MAP3K15: variants seen among roughly 807,000 people sequenced by gnomAD.
The protein encoded by MAP3K15 is MAPK/ERK kinase kinase 15.
MAP3K15 carries 124 observed loss-of-function variants against 99.5 expected under a neutral mutation model. That is an observed-to-expected ratio of 1.25 (90% confidence interval 1.08 to 1.45). MAP3K15 has a LOEUF of 1.45. Ranked by LOEUF, MAP3K15 falls within the 40% of genes most tolerant of loss-of-function variation. MAP3K15 has a pLI of 0.00. For synonymous variants in MAP3K15, 494 were observed against 439.6 expected, an observed-to-expected ratio of 1.12 and a Z score of -1.55; for missense variants, 1,242 against 1,079.7, an observed-to-expected ratio of 1.15 and a Z score of -2.11.
chrX:19,453,585 G>A (rs993058366), intron 6 of MAP3K15, among the ~76,000 whole-genome samples: 2 of 110,235 alleles, frequency 1.8e-5, no homozygotes, highest in African/African-American at 3.3e-5. Flanking sequence ...TATTGACCAA[G>A]TGTTACATTT....
At chrX:19,495,660 G>C (rs2064396333) in intron 1 of MAP3K15, among the ~76,000 whole-genome samples, 1 of 111,464 alleles carries the variant, frequency 9.0e-6, no homozygotes, top group Non-Finnish European at 1.9e-5. Context: ...GAGGTGAATG[G>C]GCTCAATGGG....
At chrX:19,513,087 CA>C (rs1490053579) in intron 1 of MAP3K15, among the ~76,000 whole-genome samples, 1 of 111,696 alleles carries the variant, frequency 9.0e-6, no homozygotes, top group African/African-American at 3.3e-5. Flanking sequence ...AAGACCAGGA[CA>C]AGGTTAACCA....
intron 3 of MAP3K15, among the ~76,000 whole-genome samples, chrX:19,467,594 C>T (rs886135892): frequency 1.4e-4 from 15 of 109,532 alleles, no homozygotes; most frequent in African/African-American, 4.6e-4. Flanking sequence ...TGGTGAAACC[C>T]CCTCTCTACT....
At chrX:19,394,837 A>ATTTTTTTT (rs1481087841) in intron 16 of MAP3K15, among the ~76,000 whole-genome samples, 1 of 46,801 alleles carries the variant, frequency 2.1e-5, no homozygotes, top group African/African-American at 1.5e-4. Flanking sequence ...TTTTTTTTTA[A>ATTTTTTTT]AAAGAGTGAT....
chrX:19,434,224 G>GT (rs765400854), intron 6 of MAP3K15, among the ~76,000 whole-genome samples: 3 of 103,948 alleles, frequency 2.9e-5, no homozygotes, highest in East Asian at 2.9e-4. Context: ...TTGGTAATAG[G>GT]TTTTTTTTGT....
chrX:19,488,005 G>A (rs1366417760), intron 2 of MAP3K15, among the ~76,000 whole-genome samples: 1 of 110,920 alleles, frequency 9.0e-6, no homozygotes, highest in Non-Finnish European at 1.9e-5. Context: ...CTGGGGTGGG[G>A]CCTAGGCATG....
intron 23 of MAP3K15, 140 bp from the exon 24 acceptor site, chrX:19,371,204 C>T: frequency 1.1e-5 from 9 of 823,278 alleles, no homozygotes; most frequent in Non-Finnish European, 1.2e-5. Context: ...GATGCCATTT[C>T]CTGGACTTCA....
Position 19,373,683 on chromosome X carries a change from C to T in MAP3K15, c.2786G>A (p.Gly929Asp). 8.3e-7 allele frequency: 1 copy of T among 1,199,185 alleles called. No individual in the cohort carries two copies. Among genetic ancestry groups the T allele is most frequent in the Non-Finnish European group, 1.1e-6 (1 of 894,124 alleles). ...IAFKPSEGPR[G>D]VVLALPTQGE... is the part of the protein sequence containing the mutation. ...CTGTGTGGGCAGGGCCAGGACGACA[C>T]CGCGGGGACCTTCTGTAGGGGGACA... is the stretch of plus-strand genomic sequence containing the variant. Residue 929 changes from glycine to aspartate, a missense_variant, in exon 21 of 29, where the codon GGT becomes GAT. Physicochemically the swap from Gly to Asp is moderately conservative, Grantham distance 94 (BLOSUM62 -1). Transcript: ENST00000338883.
chrX:19,454,517 C>A (rs2064078209), intron 6 of MAP3K15, among the ~76,000 whole-genome samples: 1 of 111,651 alleles, frequency 9.0e-6, no homozygotes, highest in African/African-American at 3.3e-5. Flanking sequence ...TGGAAGGTAT[C>A]AGGGAAAGCT....
At chrX:19,414,066 C>A (rs1277077218) in intron 10 of MAP3K15, among the ~76,000 whole-genome samples, 2 of 104,841 alleles carry the variant, frequency 1.9e-5, no homozygotes, top group African/African-American at 3.5e-5. Flanking sequence ...GAGGCTGAGG[C>A]AGGAGAATCA....
At chrX:19,405,062 G>T (rs868727569) in intron 13 of MAP3K15, among the ~76,000 whole-genome samples, 1 of 103,947 alleles carries the variant, frequency 9.6e-6, no homozygotes, top group Non-Finnish European at 1.9e-5. Context: ...TGATACCATC[G>T]AGAGAGTGAA....
chrX:19,436,823 G>A (rs949742887), intron 6 of MAP3K15, among the ~76,000 whole-genome samples: 1 of 111,116 alleles, frequency 9.0e-6, no homozygotes, highest in Non-Finnish European at 1.9e-5. Context: ...GATTACAGGC[G>A]TGCACCACCA....
chrX:19,498,032 A>G (rs2064418217), intron 1 of MAP3K15, among the ~76,000 whole-genome samples: 1 of 112,101 alleles, frequency 8.9e-6, no homozygotes, highest in African/African-American at 3.2e-5. Context: ...GCTTTTAAAT[A>G]ATGTATAAAA....
chrX:19,409,572 A>G (rs866869674), intron 12 of MAP3K15, among the ~76,000 whole-genome samples: 1 of 111,798 alleles, frequency 8.9e-6, no homozygotes, highest in Non-Finnish European at 1.9e-5. Flanking sequence ...TGTTGCCACT[A>G]ATCATCTCCT....
At chrX:19,463,711 G>A (rs1161406572) in intron 4 of MAP3K15, among the ~76,000 whole-genome samples, 1 of 110,955 alleles carries the variant, frequency 9.0e-6, no homozygotes, top group Non-Finnish European at 1.9e-5. Flanking sequence ...TAAATCTAAA[G>A]AGAACACAGC....
rs150135927 is a variant in MAP3K15 at position 19,423,382 on chromosome X, T to G, written c.1439+2149A>C. ...CTAGTCAAACTCACTGTCTTTTATTTTTTGAAATATTAGAATCTGACTAGG... is the reference window on the plus strand; with the variant it reads ...CTAGTCAAACTCACTGTCTTTTATTGTTTGAAATATTAGAATCTGACTAGG... On this transcript the variant is annotated intron_variant, in intron 9 of 28. Coordinates refer to ENST00000338883, the MANE Select transcript of MAP3K15 (RefSeq NM_001001671.4). 9.9e-3 allele frequency among the ~76,000 whole-genome samples: 1,052 copies of G among 106,538 alleles called. 17 individuals carry two copies. Among genetic ancestry groups the G allele is most frequent in the African/African-American group, 0.035 (1,019 of 29,088 alleles). The allele number at this position is 106,538 out of a possible 115,157, so 92.5% of individuals were successfully genotyped here. A position where few individuals can be genotyped will look rare whatever the true frequency, so the allele number is the denominator to read the frequency against.
chrX:19,499,969 G>A (rs1209947996), intron 1 of MAP3K15, among the ~76,000 whole-genome samples: 2 of 112,683 alleles, frequency 1.8e-5, no homozygotes, highest in Admixed American at 9.4e-5. Context: ...ATAATTGGCC[G>A]GGTGCAGTGG....
At position 19,362,778 on chromosome X, in the gene MAP3K15, A is replaced by G; in HGVS notation, c.3639T>C (p.Thr1213=). ...NLLRQTLEQK[T]QELYHLQLKL... ...TTAACTGAAGGTGATACAATTCTTGAGTTTTCTGTTCTAGAGTTTGCCGCA... is the reference window on the plus strand; with the variant it reads ...TTAACTGAAGGTGATACAATTCTTGGGTTTTCTGTTCTAGAGTTTGCCGCA... The change falls in exon 26 of 29, where the codon ACT becomes ACC. Residue 1213 remains threonine (T), a synonymous_variant. Coordinates refer to ENST00000338883, the MANE Select transcript of MAP3K15 (RefSeq NM_001001671.4). The G allele has an allele frequency of 8.4e-7, 1 of 1,188,153 alleles. No homozygotes were observed. Among genetic ancestry groups the G allele is most frequent in the Non-Finnish European group, 1.1e-6 (1 of 879,567 alleles).
In MAP3K15 at chrX:19,415,270, C is replaced by T. The variant is rs1451538708; in HGVS notation, c.1440-13G>A. 3 of 1,154,374 alleles carry T rather than the reference C, an allele frequency of 2.6e-6. No individual in the cohort carries two copies. In the South Asian group the frequency reaches 6.0e-5, roughly 23 times the overall value. On this transcript the variant is annotated splice_polypyrimidine_tract_variant and intron_variant, in intron 9 of 28. Transcript: ENST00000338883. ...TGATCGCAGGTACCTGGAAAAATCACAAACAGCAATATATTGGATTCCTAA... is the reference window on the plus strand; with the variant it reads ...TGATCGCAGGTACCTGGAAAAATCATAAACAGCAATATATTGGATTCCTAA...
Sources: gnomAD v4.1 joint callset for allele counts (sites outside exome capture counted in the v4.1 genomes callset) on GRCh38, gnomAD v4.1.1 for gene constraint, MANE v1.5 for transcripts, NCBI Gene and HGNC (gene_info 2026-07-23, HGNC 2026-07-21) for gene names.